CHCHD6: variants seen among roughly 807,000 people sequenced by gnomAD.
CHCHD6 encodes the protein coiled-coil-helix-coiled-coil-helix domain containing 6.
Under a neutral mutation model 32.3 loss-of-function variants are expected in CHCHD6, and 28 were observed. The ratio of observed to expected loss-of-function variants is 0.87; its 90% CI spans 0.64 to 1.19. The LOEUF (loss-of-function observed/expected upper bound fraction) is 1.19. Among genes scored for constraint, CHCHD6 ranks in the 50% most tolerant of loss-of-function variants. CHCHD6 has a pLI of 0.00. For missense variants in CHCHD6, 333 were observed against 307.0 expected (o/e 1.08, Z -0.63); for synonymous variants, 122 against 117.5 (o/e 1.04, Z -0.25).
At chr3:126,811,211 A>G (rs897141708) in intron 4 of CHCHD6, among the ~76,000 whole-genome samples, 3 of 152,204 alleles carry the variant, frequency 2.0e-5, no homozygotes, top group African/African-American at 7.2e-5. Context: ...TCAAGAGCTA[A>G]CAAACTAAGC....
intron 4 of CHCHD6, chr3:126,780,376 C>G: frequency 2.4e-6 from 1 of 424,078 alleles, no homozygotes; most frequent in Non-Finnish European, 4.7e-6. Context: ...CCAAAGGTAT[C>G]CAATAAAAAG....
At chr3:126,792,507 C>T (rs1454356848) in intron 4 of CHCHD6, among the ~76,000 whole-genome samples, 1 of 151,950 alleles carries the variant, frequency 6.6e-6, no homozygotes, top group African/African-American at 2.4e-5. Flanking sequence ...TTGAGACCTC[C>T]TCTTTGACCC....
intron 5 of CHCHD6, among the ~76,000 whole-genome samples, chr3:126,897,248 C>A (rs888414991): frequency 6.6e-6 from 1 of 152,212 alleles, no homozygotes; most frequent in Admixed American, 6.5e-5. Flanking sequence ...ATTTCAGGAA[C>A]CATTAATCCT....
chr3:126,910,817 G>A (rs1346256600), intron 5 of CHCHD6, among the ~76,000 whole-genome samples: 2 of 152,060 alleles, frequency 1.3e-5, no homozygotes, highest in East Asian at 3.9e-4. Context: ...ATGAGGTGTG[G>A]CAGATCGTGT....
In CHCHD6 at chr3:126,960,177, T is replaced by G; in HGVS notation, c.703-19T>G. ...GGCGGAGTGGGCCCTGACTCAACTCTGACCTGTTCTCTTTGTAGGGCTGAG... is the reference window on the plus strand; with the variant it reads ...GGCGGAGTGGGCCCTGACTCAACTCGGACCTGTTCTCTTTGTAGGGCTGAG... On this transcript the variant is annotated intron_variant, in intron 7 of 7. Transcript: ENST00000290913. 6.4e-7 allele frequency: 1 copy of G among 1,551,540 alleles called. No homozygotes were observed. The highest frequency in any genetic ancestry group is 8.7e-7 in the Non-Finnish European group (1 of 1,146,874).
intron 6 of CHCHD6, among the ~76,000 whole-genome samples, chr3:126,940,474 C>T (rs2078543710): frequency 6.9e-6 from 1 of 144,450 alleles, no homozygotes; most frequent in Non-Finnish European, 1.6e-5. Context: ...GTGTGGTTTT[C>T]TACGTTTTAT....
intron 4 of CHCHD6, among the ~76,000 whole-genome samples, chr3:126,837,573 C>T (rs951040159): frequency 6.6e-6 from 1 of 152,160 alleles, no homozygotes; most frequent in Non-Finnish European, 1.5e-5. Context: ...TTCATACATA[C>T]ATATATACAT....
chr3:126,865,552 T>G lies in CHCHD6; in HGVS notation c.495+12822T>G, dbSNP rs1248461535. ...CATAACCTCCTCCTCCACGTCCACT[T>G]GCACTTCTGCAACCTCTGCTTCTCC... On this transcript the variant is annotated intron_variant, in intron 5 of 7. Coordinates refer to ENST00000290913, the MANE Select transcript of CHCHD6 (RefSeq NM_032343.3). The G allele has an allele frequency of 4.1e-6, 4 of 985,010 alleles. No individual in the cohort carries two copies. The African/African-American group carries it at 5.2e-5, about 13-fold the overall frequency. 61.0% of individuals were successfully genotyped at this position (985,010 alleles called of 1,614,324 possible).
chr3:126,776,771 C>T (rs935171461), intron 4 of CHCHD6, among the ~76,000 whole-genome samples: 1 of 152,132 alleles, frequency 6.6e-6, no homozygotes, highest in East Asian at 1.9e-4. Context: ...TAACCAGTGA[C>T]ATAACCAACA....
intron 5 of CHCHD6, among the ~76,000 whole-genome samples, chr3:126,896,715 C>T (rs912902260): frequency 3.3e-5 from 5 of 152,222 alleles, no homozygotes; most frequent in African/African-American, 4.8e-5. Context: ...AGGGGCTTCT[C>T]ATATGAGACA....
intron 4 of CHCHD6, among the ~76,000 whole-genome samples, chr3:126,795,898 C>T (rs773293654): frequency 6.6e-6 from 1 of 152,128 alleles, no homozygotes; most frequent in African/African-American, 2.4e-5. Context: ...AGCCTTCTTG[C>T]TTTGGGCAAG....
rs1037328332 is a variant in CHCHD6 at position 126,726,928 on chromosome 3, C to T, written c.88-150C>T. On this transcript the variant is annotated intron_variant, in intron 1 of 7. Transcript: ENST00000290913. The stretch of plus-strand genomic sequence containing the variant: ...GGACCTGGTAGGCACTGGGCCACCA[C>T]GAGAGGAGTTTTAGTAGAATTGCTT... 4.3e-5 allele frequency: 27 copies of T among 621,898 alleles called. No individual in the cohort carries two copies. The South Asian group carries it at 4.4e-4, about 10-fold the overall frequency. The allele number at this position is 621,898 out of a possible 1,614,324, so 38.5% of individuals were successfully genotyped here. A position where few individuals can be genotyped will look rare whatever the true frequency, so the allele number is the denominator to read the frequency against.
intron 4 of CHCHD6, among the ~76,000 whole-genome samples, chr3:126,812,405 G>A (rs1055887955): frequency 6.7e-6 from 1 of 148,744 alleles, no homozygotes; most frequent in Non-Finnish European, 1.5e-5. Flanking sequence ...AACCCAAGAT[G>A]TTTTCTGGTT....
chr3:126,822,467 T>C (rs1392242535), intron 4 of CHCHD6, among the ~76,000 whole-genome samples: 1 of 152,250 alleles, frequency 6.6e-6, no homozygotes, highest in Non-Finnish European at 1.5e-5. Flanking sequence ...TCTTGATTAC[T>C]GGACTTTATA....
intron 6 of CHCHD6, chr3:126,957,080 C>G: frequency 5.1e-6 from 2 of 389,380 alleles, no homozygotes; most frequent in South Asian, 2.8e-5. Flanking sequence ...GCGGGCTGCA[C>G]CATCCTCATG....
At chr3:126,857,240 A>G (rs1559883881) in intron 5 of CHCHD6, among the ~76,000 whole-genome samples, 1 of 152,166 alleles carries the variant, frequency 6.6e-6, no homozygotes, top group East Asian at 1.9e-4. Context: ...TCCTGTGAGT[A>G]GAGGACCTCC....
chr3:126,886,776 A>G (rs1032553912), intron 5 of CHCHD6, among the ~76,000 whole-genome samples: 7 of 152,040 alleles, frequency 4.6e-5, no homozygotes, highest in East Asian at 1.9e-4. Flanking sequence ...GCCATTTACA[A>G]CCTAGGAGCC....
chr3:126,733,165 A>T lies in CHCHD6; in HGVS notation c.354A>T (p.Ala118=), dbSNP rs1227545633. The T allele has an allele frequency of 6.2e-7, 1 of 1,614,224 alleles. No individual in the cohort carries two copies. Among genetic ancestry groups the T allele is most frequent in the Non-Finnish European group, 8.5e-7 (1 of 1,180,038 alleles). Residue 118 remains alanine (A), a synonymous_variant, in exon 4 of 8, where the codon GCA becomes GCT. Coordinates refer to ENST00000290913, the MANE Select transcript of CHCHD6 (RefSeq NM_032343.3). Reference sequence around the variant, plus strand: ...AGGCTGCCACCAAGCACTCCAAGGCATCCCTGCCCACGGGCGAAGGCAGCA... The same window carrying T: ...AGGCTGCCACCAAGCACTCCAAGGCTTCCCTGCCCACGGGCGAAGGCAGCA... ...EREAATKHSK[A]SLPTGEGSIS... is the part of the protein sequence containing the mutation.
chr3:126,919,849 G>T (rs2078221609), intron 6 of CHCHD6, among the ~76,000 whole-genome samples: 1 of 150,344 alleles, frequency 6.7e-6, no homozygotes, highest in Non-Finnish European at 1.5e-5. Flanking sequence ...TCTGTCTTTG[G>T]TTTTATTAAG....
Sources: allele counts gnomAD v4.1 joint callset (sites outside exome capture counted in the v4.1 genomes callset), GRCh38; gene constraint gnomAD v4.1.1; transcripts MANE v1.5; gene names NCBI Gene and HGNC (gene_info 2026-07-23, HGNC 2026-07-21).